The following LIMS1 variants were observed in gnomAD, a reference collection of about 807,000 sequenced individuals.
LIMS1 encodes LIM and senescent cell antigen-like-containing domain protein 1.
LIMS1 carries 18 observed loss-of-function variants against 44.1 expected under a neutral mutation model. The observed-to-expected ratio is 0.41, with a 90% CI of 0.28 to 0.61. LIMS1 has a LOEUF of 0.61. Among genes scored for constraint, LIMS1 ranks in the 20% least tolerant of loss-of-function variants. The probability of loss-of-function intolerance (pLI) is 0.32; values close to 1 mark genes in which losing one functional copy is unlikely to be tolerated. For missense variants in LIMS1, 201 were observed against 422.0 expected, an observed-to-expected ratio of 0.48 and a Z score of 4.59; for synonymous variants, 93 against 149.1, an observed-to-expected ratio of 0.62 and a Z score of 2.74.
At chr2:108,552,142 A>ATAACTG in intron 1 of LIMS1, among the ~76,000 whole-genome samples, 1 of 144,836 alleles carries the variant, frequency 6.9e-6, no homozygotes, top group South Asian at 2.1e-4. Context: ...ATACTTAACT[A>ATAACTG]TATAATTATA....
chr2:108,596,815 C>A (rs1445696362), intron 1 of LIMS1, among the ~76,000 whole-genome samples: 1 of 150,382 alleles, frequency 6.6e-6, no homozygotes. Flanking sequence ...AGCAAAACTC[C>A]GTCTCAAAAA....
intron 1 of LIMS1, among the ~76,000 whole-genome samples, chr2:108,591,566 T>G (rs1339688812): frequency 6.6e-6 from 1 of 151,992 alleles, no homozygotes; most frequent in African/African-American, 2.4e-5. Flanking sequence ...CTCAAGAAAT[T>G]CTCCTGCTCC....
chr2:108,681,043 G>A, intron 9 of LIMS1: 2 of 1,286,924 alleles, frequency 1.6e-6, no homozygotes. Context: ...GAATTTAAGA[G>A]GCGACTTGCC....
intron 1 of LIMS1, among the ~76,000 whole-genome samples, chr2:108,601,466 CA>C (rs1300608514): frequency 6.6e-6 from 1 of 152,118 alleles, no homozygotes; most frequent in African/African-American, 2.4e-5. Context: ...TTAAGGAACA[CA>C]AAAAGGTCAC....
intron 1 of LIMS1, among the ~76,000 whole-genome samples, chr2:108,566,930 G>A (rs1440787061): frequency 1.3e-5 from 2 of 152,046 alleles, no homozygotes; most frequent in Non-Finnish European, 2.9e-5. Context: ...TAGTTCAGTG[G>A]TGTTAAGTAT....
At chr2:108,557,005 A>G (rs1387627810) in intron 1 of LIMS1, among the ~76,000 whole-genome samples, 1 of 152,074 alleles carries the variant, frequency 6.6e-6, no homozygotes, top group African/African-American at 2.4e-5. Flanking sequence ...TTTTGTTTTC[A>G]TTTCTGCGTT....
chr2:108,607,328 C>G, intron 1 of LIMS1: 7 of 1,386,752 alleles, frequency 5.0e-6, no homozygotes, highest in Non-Finnish European at 7.0e-6. Flanking sequence ...TTGAGCACAC[C>G]AGTTGTCTGG....
At chr2:108,619,518 T>C (rs191357224) in intron 1 of LIMS1, among the ~76,000 whole-genome samples, 20 of 152,206 alleles carry the variant, frequency 1.3e-4, no homozygotes, top group Admixed American at 1.2e-3. Context: ...ACCCCATCTC[T>C]ACTAAAAATT....
At position 108,575,967 on chromosome 2, in the gene LIMS1, G is replaced by A. The variant is rs567940620; in HGVS notation, c.32+41373G>A. 3.9e-5 allele frequency among the ~76,000 whole-genome samples: 6 copies of A among 152,126 alleles called. 1 individual carries two copies. Among genetic ancestry groups the A allele is most frequent in the African/African-American group, 1.2e-4 (5 of 41,410 alleles). On this transcript the variant is annotated intron_variant, in intron 1 of 9. Coordinates refer to ENST00000544547, the Ensembl canonical transcript of LIMS1. ...GTGCTTGCACCTGATCAGGAAGCAG[G>A]CACCTGGGGCCAGGATTTGAAGTCT...
intron 1 of LIMS1, among the ~76,000 whole-genome samples, chr2:108,633,399 CATTA>C (rs1353822891): frequency 6.6e-6 from 1 of 152,216 alleles, no homozygotes; most frequent in Non-Finnish European, 1.5e-5. Context: ...TAGGCGCTGT[CATTA>C]GAGCGTCAGA....
chr2:108,541,255 T>C (rs1441678592), intron 1 of LIMS1, among the ~76,000 whole-genome samples: 1 of 152,242 alleles, frequency 6.6e-6, no homozygotes, highest in Non-Finnish European at 1.5e-5. Context: ...TTATTTCTCA[T>C]TGGTAAATGT....
chr2:108,652,502 A>G (rs1690566520), intron 1 of LIMS1, among the ~76,000 whole-genome samples: 1 of 152,262 alleles, frequency 6.6e-6, no homozygotes, highest in African/African-American at 2.4e-5. Flanking sequence ...TGAAAAACAC[A>G]TGAGTGGTTG....
chr2:108,685,869 C>T (rs1410453290), exon 10 of LIMS1: 2 of 152,086 alleles, frequency 1.3e-5, no homozygotes, highest in South Asian at 2.1e-4. Flanking sequence ...TACCTCTACA[C>T]GAGAAATATG....
intron 1 of LIMS1, among the ~76,000 whole-genome samples, chr2:108,641,300 A>G (rs908802268): frequency 1.3e-5 from 2 of 152,244 alleles, no homozygotes; most frequent in Admixed American, 1.3e-4. Flanking sequence ...TTGGGATGCT[A>G]GAAACCTATC....
chr2:108,572,024 A>C (rs1266589514), intron 1 of LIMS1, among the ~76,000 whole-genome samples: 2 of 152,224 alleles, frequency 1.3e-5, no homozygotes, highest in African/African-American at 4.8e-5. Context: ...AGCAATGCCA[A>C]AACTGTAATA....
At chr2:108,602,932 A>AT (rs1258216232) in intron 1 of LIMS1, among the ~76,000 whole-genome samples, 1 of 151,748 alleles carries the variant, frequency 6.6e-6, no homozygotes, top group Non-Finnish European at 1.5e-5. Context: ...TGCCTGGCTA[A>AT]TTTTTTGTAT....
chr2:108,583,227 A>G (rs530610719), intron 1 of LIMS1, among the ~76,000 whole-genome samples: 9 of 145,398 alleles, frequency 6.2e-5, no homozygotes, highest in Non-Finnish European at 1.4e-4. Context: ...TTTTTTTAGT[A>G]GAGAGGGGTC....
intron 1 of LIMS1, among the ~76,000 whole-genome samples, chr2:108,541,736 C>G (rs937178085): frequency 3.3e-5 from 5 of 152,184 alleles, no homozygotes; most frequent in Non-Finnish European, 5.9e-5. Context: ...ATGCCCTTCT[C>G]TGGGCCTGGA....
intron 1 of LIMS1, among the ~76,000 whole-genome samples, chr2:108,552,894 A>G (rs1053648577): frequency 7.2e-5 from 11 of 152,002 alleles, no homozygotes; most frequent in Middle Eastern, 3.2e-3. Flanking sequence ...AACTATAAAC[A>G]CCAGAAGTTT....
Sources: gnomAD v4.1 joint callset for allele counts (sites outside exome capture counted in the v4.1 genomes callset) on GRCh38, gnomAD v4.1.1 for gene constraint, MANE v1.5 for transcripts, NCBI Gene and HGNC (gene_info 2026-07-23, HGNC 2026-07-21) for gene names.